THSD4: variants seen among roughly 807,000 people sequenced by gnomAD.
THSD4 encodes the protein thrombospondin type 1 domain containing 4.
In THSD4, 69 loss-of-function variants were observed where a neutral mutation model predicts 119.0. The ratio of observed to expected loss-of-function variants is 0.58; its 90% confidence interval spans 0.48 to 0.71. THSD4 has a LOEUF of 0.71. Ranked by LOEUF, THSD4 falls within the 30% of genes least tolerant of loss-of-function variation. The pLI is 0.00. For synonymous variants in THSD4, 524 were observed against 540.4 expected (o/e 0.97, Z 0.42); for missense variants, 1,393 against 1,391.1 (o/e 1.00, Z -0.02).
At chr15:71,163,403 C>T (rs1340604503) in intron 3 of THSD4, among the ~76,000 whole-genome samples, 5 of 151,816 alleles carry the variant, frequency 3.3e-5, no homozygotes, top group Admixed American at 1.3e-4. Flanking sequence ...ATCACAAAAG[C>T]GTGTAAAATT....
chr15:71,612,381 T>C (rs924612077), intron 7 of THSD4, among the ~76,000 whole-genome samples: 1 of 152,168 alleles, frequency 6.6e-6, no homozygotes, highest in African/African-American at 2.4e-5. Context: ...CCTTGAAGGA[T>C]TTCTGAAAAT....
chr15:71,480,914 C>T (rs2047721099), intron 7 of THSD4, among the ~76,000 whole-genome samples: 1 of 152,186 alleles, frequency 6.6e-6, no homozygotes, highest in Non-Finnish European at 1.5e-5. Flanking sequence ...ATGAACACCC[C>T]ATGCATGCAG....
chr15:71,566,424 T>TA (rs2049241053), intron 7 of THSD4, among the ~76,000 whole-genome samples: 1 of 152,188 alleles, frequency 6.6e-6, no homozygotes, highest in Non-Finnish European at 1.5e-5. Context: ...GGTCAGGTGT[T>TA]AGATACTCTC....
At chr15:71,260,565 A>G (rs1257434714) in intron 6 of THSD4, among the ~76,000 whole-genome samples, 1 of 152,188 alleles carries the variant, frequency 6.6e-6, no homozygotes, top group African/African-American at 2.4e-5. Flanking sequence ...TCAGAAAGGT[A>G]TTTTGTTGGT....
At chr15:71,404,291 C>T (rs2140489921) in intron 6 of THSD4, among the ~76,000 whole-genome samples, 1 of 152,260 alleles carries the variant, frequency 6.6e-6, no homozygotes, top group Middle Eastern at 3.4e-3. Flanking sequence ...TACTTTCTTT[C>T]TCCATGGATT....
intron 3 of THSD4, among the ~76,000 whole-genome samples, chr15:71,211,487 C>G (rs930880761): frequency 1.9e-4 from 29 of 152,238 alleles, no homozygotes; most frequent in African/African-American, 7.0e-4. Context: ...CTTCCTTACT[C>G]TGGTCTCTCT....
chr15:71,257,041 C>G (rs1371368910), intron 6 of THSD4, among the ~76,000 whole-genome samples: 2 of 152,072 alleles, frequency 1.3e-5, no homozygotes, highest in East Asian at 3.8e-4. Context: ...AGTTGTGAGC[C>G]GTGAGTGCAG....
At chr15:71,602,676 T>C (rs987837259) in intron 7 of THSD4, among the ~76,000 whole-genome samples, 3 of 151,626 alleles carry the variant, frequency 2.0e-5, no homozygotes, top group African/African-American at 7.3e-5. Flanking sequence ...CCTGCAAGCC[T>C]GTACAGGCAG....
intron 3 of THSD4, among the ~76,000 whole-genome samples, chr15:71,200,903 C>T (rs770439540): frequency 5.9e-5 from 9 of 152,184 alleles, no homozygotes; most frequent in Admixed American, 1.3e-4. Flanking sequence ...CGCGAGCAGC[C>T]GCCTTTCCCA....
intron 6 of THSD4, among the ~76,000 whole-genome samples, chr15:71,317,472 C>G (rs1596333120): frequency 6.6e-6 from 1 of 152,140 alleles, no homozygotes; most frequent in African/African-American, 2.4e-5. Context: ...GGGGAACTCC[C>G]CTTTTATAAA....
chr15:71,276,620 C>T (rs912711977), intron 6 of THSD4, among the ~76,000 whole-genome samples: 1 of 152,062 alleles, frequency 6.6e-6, no homozygotes, highest in African/African-American at 2.4e-5. Context: ...ACCTAGGTGC[C>T]GATTAATCCT....
chr15:71,566,682 A>AAGACCC (rs1360394621), intron 7 of THSD4, among the ~76,000 whole-genome samples: 4 of 152,076 alleles, frequency 2.6e-5, no homozygotes, highest in Non-Finnish European at 5.9e-5. Context: ...AGGCCTTCAA[A>AAGACCC]GGCCGGGTCA....
At chr15:71,777,156 C>T in intron 17 of THSD4, 76 bp from the exon 18 acceptor site, 1 of 1,576,020 alleles carries the variant, frequency 6.3e-7, no homozygotes, top group Non-Finnish European at 8.7e-7. Flanking sequence ...GCCACAGCCA[C>T]TGCCCTTTCT....
chr15:71,162,082 C>T (rs1319044002), intron 3 of THSD4, among the ~76,000 whole-genome samples: 1 of 151,988 alleles, frequency 6.6e-6, no homozygotes, highest in African/African-American at 2.4e-5. Flanking sequence ...TTTGTATGTT[C>T]CTCAGCCACT....
At chr15:71,347,020 C>T (rs750773991) in intron 6 of THSD4, among the ~76,000 whole-genome samples, 10 of 151,840 alleles carry the variant, frequency 6.6e-5, no homozygotes, top group Admixed American at 3.3e-4. Context: ...ATTACAGGCG[C>T]GTGCCACCAC....
Position 71,356,274 on chromosome 15 carries a change from TG to T in THSD4, c.1016-55409del, listed in dbSNP as rs368794541. On this transcript the variant is annotated intron_variant, in intron 6 of 17. Coordinates refer to ENST00000261862, the MANE Select transcript of THSD4 (RefSeq NM_024817.3). ...GCTACTCTCTGCACACGGTTGCTTC[TG>T]GGGCCCGAAGCCCTTCCAGGAGCAC... 2.6e-3 allele frequency among the ~76,000 whole-genome samples: 396 copies of T among 152,314 alleles called. 2 individuals carry two copies. The highest frequency in any genetic ancestry group is 9.2e-3 in the African/African-American group (384 of 41,582).
chr15:71,588,480 G>A (rs1396342538), intron 7 of THSD4, among the ~76,000 whole-genome samples: 1 of 151,930 alleles, frequency 6.6e-6, no homozygotes, highest in East Asian at 1.9e-4. Flanking sequence ...ATGGAGTACA[G>A]TGATGCAGTC....
At chr15:71,115,393 G>T (rs984961592), upstream of THSD4, 1 of 152,296 alleles carries the variant, frequency 6.6e-6, no homozygotes, top group South Asian at 2.1e-4. This position sits in a 1 kb window ranked among gnomAD's most constrained non-coding sequence, Gnocchi z 4.4. Context: ...GGCGGCAGGA[G>T]CGGCTCCAGA....
chr15:71,109,127 T>C (rs1289426280), intron 1 of THSD4, among the ~76,000 whole-genome samples: 1 of 152,256 alleles, frequency 6.6e-6, no homozygotes, highest in African/African-American at 2.4e-5. Flanking sequence ...ACACTGATCC[T>C]GTAGCTTCTG....
Sources: allele counts gnomAD v4.1 joint callset (sites outside exome capture counted in the v4.1 genomes callset), GRCh38; gene constraint gnomAD v4.1.1; non-coding constraint Gnocchi (gnomAD v3.1); transcripts MANE v1.5; gene names NCBI Gene and HGNC (gene_info 2026-07-23, HGNC 2026-07-21).